Variants in ANK2 observed in about 807,000 individuals in gnomAD.
ANK2 encodes the protein ankyrin 2.
ANK2 carries 83 observed loss-of-function variants against 360.5 expected under a neutral mutation model. That is an observed-to-expected ratio of 0.23 (90% CI 0.19 to 0.28). The LOEUF (loss-of-function observed/expected upper bound fraction) is 0.28, where lower values mean the gene tolerates loss of function less well. Ranked by LOEUF, ANK2 falls within the 10% of genes least tolerant of loss-of-function variation. The pLI, the probability that ANK2 is intolerant of heterozygous loss-of-function variation, is 1.00. For synonymous variants in ANK2, 1,740 were observed against 1,759.5 expected, an observed-to-expected ratio of 0.99 and a Z score of 0.28; for missense variants, 4,201 against 4,795.7, an observed-to-expected ratio of 0.88 and a Z score of 3.66.
At chr4:113,364,787 A>T (rs529403310) in intron 40 of ANK2, among the ~76,000 whole-genome samples, 2 of 152,338 alleles carry the variant, frequency 1.3e-5, no homozygotes, top group South Asian at 4.1e-4. Context: ...TTTGCTTTTT[A>T]TCTGAAATTC....
At chr4:113,266,877 C>CAAA (rs375127476) in intron 14 of ANK2, among the ~76,000 whole-genome samples, 1 of 143,084 alleles carries the variant, frequency 7.0e-6, no homozygotes, top group African/African-American at 2.6e-5. Flanking sequence ...AACTCTGTCT[C>CAAA]AAAAAAAAAA....
rs73841988 is a variant in ANK2 at position 113,346,243 on chromosome 4, T to A, written c.4371+221T>A. Among the ~76,000 whole-genome samples, 3,393 of 152,338 alleles carry A rather than the reference T, an allele frequency of 0.022. 134 individuals are homozygous for A. The highest frequency in any genetic ancestry group is 0.076 in the African/African-American group (3,156 of 41,576). On this transcript the variant is annotated intron_variant, in intron 35 of 45. Transcript: ENST00000357077. Reference sequence around the variant, plus strand: ...ACTTAAGAAAAAACGTAGTGCCACCTGATTTCATGTTAAATGCACTTTGAT... The same window carrying A: ...ACTTAAGAAAAAACGTAGTGCCACCAGATTTCATGTTAAATGCACTTTGAT...
intron 24 of ANK2, among the ~76,000 whole-genome samples, chr4:113,315,896 C>CAAA (rs70961811): frequency 1.5e-3 from 76 of 49,278 alleles, no homozygotes; most frequent in South Asian, 6.8e-3. Context: ...GACTCCGTCT[C>CAAA]AAAAAAAAAA....
intron 10 of ANK2, among the ~76,000 whole-genome samples, chr4:113,252,972 A>C (rs1484377045): frequency 6.6e-6 from 1 of 152,104 alleles, no homozygotes; most frequent in African/African-American, 2.4e-5. Context: ...TGACCATTCT[A>C]TATTTTCTTC....
At chr4:113,361,536 C>CTT (rs762043370) in intron 39 of ANK2, among the ~76,000 whole-genome samples, 2 of 129,930 alleles carry the variant, frequency 1.5e-5, no homozygotes, top group Non-Finnish European at 3.3e-5. Context: ...CTCAGTCTGG[C>CTT]TTTTTTTTTT....
At chr4:113,102,268 T>G (rs1409026282) in intron 1 of ANK2, among the ~76,000 whole-genome samples, 1 of 152,046 alleles carries the variant, frequency 6.6e-6, no homozygotes, top group South Asian at 2.1e-4. Flanking sequence ...CAGGGATAGA[T>G]TGAATGTGGA....
the ANK2 span, among the ~76,000 whole-genome samples, chr4:112,737,408 GTAAA>G: frequency 6.6e-6 from 1 of 152,188 alleles, no homozygotes; most frequent in Admixed American, 6.5e-5. Flanking sequence ...TTTGTGAAAT[GTAAA>G]TATCCACCTA....
chr4:113,052,822 C>A (rs896682660), intron 1 of ANK2, among the ~76,000 whole-genome samples: 1 of 152,078 alleles, frequency 6.6e-6, no homozygotes, highest in Non-Finnish European at 1.5e-5. Flanking sequence ...GCACAGGATA[C>A]GGGCTTCAGT....
At chr4:112,837,940 G>A (rs985852525) in intron 1 of ANK2, among the ~76,000 whole-genome samples, 4 of 152,208 alleles carry the variant, frequency 2.6e-5, no homozygotes, top group African/African-American at 9.6e-5. Context: ...GCTGGGATGA[G>A]TTAAGACTTT....
At chr4:113,140,748 G>A (rs1041209429) in intron 1 of ANK2, among the ~76,000 whole-genome samples, 1 of 152,260 alleles carries the variant, frequency 6.6e-6, no homozygotes. Flanking sequence ...GGAGGCCGAG[G>A]CAGGTGTATC....
intron 26 of ANK2, among the ~76,000 whole-genome samples, chr4:113,324,585 AT>A (rs935533000): frequency 6.6e-6 from 1 of 152,162 alleles, no homozygotes; most frequent in African/African-American, 2.4e-5. Flanking sequence ...TTGATAAATA[AT>A]TGTTTGGTGA....
At chr4:112,987,735 G>C (rs938583518) in intron 2 of ANK2, among the ~76,000 whole-genome samples, 9 of 151,856 alleles carry the variant, frequency 5.9e-5, no homozygotes, top group African/African-American at 2.2e-4. Flanking sequence ...ACTTAGTTAG[G>C]CAATACATGT....
chr4:112,761,205 T>A, the ANK2 span, among the ~76,000 whole-genome samples: 1 of 152,228 alleles, frequency 6.6e-6, no homozygotes, highest in East Asian at 1.9e-4. Context: ...ATTTTGGGCA[T>A]ACATATTTTA....
the ANK2 span, among the ~76,000 whole-genome samples, chr4:112,775,046 G>A: frequency 6.6e-6 from 1 of 152,176 alleles, no homozygotes; most frequent in African/African-American, 2.4e-5. Context: ...TACAGCAGGA[G>A]TGTGATGGAT....
intron 2 of ANK2, among the ~76,000 whole-genome samples, chr4:112,912,563 TATATTC>T (rs1337423870): frequency 6.6e-6 from 1 of 152,034 alleles, no homozygotes; most frequent in African/African-American, 2.4e-5. Context: ...AGTAAAAATA[TATATTC>T]CTAGAAAAGT....
intron 1 of ANK2, chr4:112,880,759 A>G (rs996125566): frequency 6.6e-6 from 1 of 151,856 alleles, no homozygotes; most frequent in African/African-American, 2.4e-5. Context: ...TCTCTGTTTG[A>G]TTATTTAGAC....
At chr4:113,062,516 T>C (rs1237752034) in intron 1 of ANK2, among the ~76,000 whole-genome samples, 1 of 152,126 alleles carries the variant, frequency 6.6e-6, no homozygotes, top group Non-Finnish European at 1.5e-5. Flanking sequence ...TTTTATAGTA[T>C]ATTCATATAA....
chr4:113,222,230 C>T (rs2099159565), intron 4 of ANK2, among the ~76,000 whole-genome samples: 2 of 152,084 alleles, frequency 1.3e-5, no homozygotes, highest in Non-Finnish European at 1.5e-5. Context: ...ATTCCTATGT[C>T]TAAGAAAACA....
intron 1 of ANK2, among the ~76,000 whole-genome samples, chr4:112,833,506 G>A (rs796508072): frequency 1.1e-5 from 1 of 94,178 alleles, no homozygotes. Context: ...AATGATTTAT[G>A]TATTTTTTTT....
Sources: gnomAD v4.1 joint callset for allele counts (sites outside exome capture counted in the v4.1 genomes callset) on GRCh38, gnomAD v4.1.1 for gene constraint, MANE v1.5 for transcripts, NCBI Gene and HGNC (gene_info 2026-07-23, HGNC 2026-07-21) for gene names.